SYNJ2: variants seen among roughly 807,000 people sequenced by gnomAD.
SYNJ2 encodes the protein polyphosphatidylinositol phosphatase SYNJ2.
SYNJ2 carries 116 observed loss-of-function variants against 141.3 expected under a neutral mutation model. That is an observed-to-expected ratio of 0.82 (90% CI 0.71 to 0.96). The LOEUF (loss-of-function observed/expected upper bound fraction) is 0.96, where lower values mean the gene tolerates loss of function less well. Among genes scored for constraint, SYNJ2 ranks in the 40% least tolerant of loss-of-function variants. SYNJ2 has a pLI of 0.00. For synonymous variants in SYNJ2, 745 were observed against 777.7 expected (o/e 0.96, Z 0.70); for missense variants, 1,873 against 1,934.8 (o/e 0.97, Z 0.60).
In SYNJ2 at chr6:158,069,567, C is replaced by T. The variant is rs1781782356; in HGVS notation, c.1834C>T (p.Gln612Ter). The T allele has an allele frequency of 6.2e-7, 1 of 1,614,008 alleles. No homozygotes were observed. The highest frequency in any genetic ancestry group is 8.5e-7 in the Non-Finnish European group (1 of 1,179,902). ...CAAGAAGATGTGGGGTGAACAGCTT[C>T]AGAAAGCCATCTCACGCTCTCATAG... is the stretch of plus-strand genomic sequence containing the variant. ...TNKKMWGEQL[Q>*]KAISRSHRYI... The change falls in exon 14 of 27, where the codon CAG becomes TAG. Residue 612 changes from glutamine to a stop codon, truncating the protein, a stop_gained. Coordinates refer to ENST00000355585, the MANE Select transcript of SYNJ2 (RefSeq NM_003898.4). LOFTEE classifies it high-confidence loss of function.
At chr6:158,049,791 C>T (rs1238140392) in intron 5 of SYNJ2, among the ~76,000 whole-genome samples, 3 of 148,308 alleles carry the variant, frequency 2.0e-5, no homozygotes, top group East Asian at 2.0e-4. Flanking sequence ...CAGGTATGCA[C>T]GTGGCTCTGC....
intron 1 of SYNJ2, among the ~76,000 whole-genome samples, chr6:157,987,654 G>A (rs895858901): frequency 7.9e-5 from 12 of 152,118 alleles, no homozygotes; most frequent in African/African-American, 2.4e-4. Context: ...CGCCCGCCTC[G>A]GCCTCCCAAA....
intron 4 of SYNJ2, 73 bp downstream of exon 4, chr6:158,033,753 T>G: frequency 6.7e-7 from 1 of 1,481,538 alleles, no homozygotes; most frequent in Non-Finnish European, 9.2e-7. Context: ...CGCTTTCCAC[T>G]TGGGGCAGAA....
intron 1 of SYNJ2, among the ~76,000 whole-genome samples, chr6:158,003,026 G>A (rs1477440747): frequency 6.6e-6 from 1 of 152,232 alleles, no homozygotes; most frequent in African/African-American, 2.4e-5. Flanking sequence ...GGAGGGGTGT[G>A]GAAAGTGCTG....
At chr6:157,993,396 G>A (rs1777523269) in intron 1 of SYNJ2, among the ~76,000 whole-genome samples, 1 of 152,116 alleles carries the variant, frequency 6.6e-6, no homozygotes, top group African/African-American at 2.4e-5. Context: ...TTTTTTTCCT[G>A]TAGAATTGTT....
At chr6:158,054,660 T>C (rs1246956190) in intron 5 of SYNJ2, among the ~76,000 whole-genome samples, 4 of 152,216 alleles carry the variant, frequency 2.6e-5, no homozygotes, top group African/African-American at 9.6e-5. Context: ...GAGCTTAGGA[T>C]CTGACATCTG....
Position 158,096,439 on chromosome 6 carries a change from A to G in SYNJ2, c.*75A>G, listed in dbSNP as rs1167467464. The G allele has an allele frequency of 4.7e-6, 7 of 1,488,136 alleles. No homozygotes were observed. In the Admixed American group the frequency reaches 1.6e-4, roughly 34 times the overall value. The allele number at this position is 1,488,136 out of a possible 1,614,324, so 92.2% of individuals were successfully genotyped here. On this transcript the variant is annotated 3_prime_UTR_variant, in exon 27 of 27. Transcript: ENST00000355585. Reference sequence around the variant, plus strand: ...TCTAGACATCCCTCCACCAGAAGAGACATCTATTTAAAGGCACACTGGCCA... The same window carrying G: ...TCTAGACATCCCTCCACCAGAAGAGGCATCTATTTAAAGGCACACTGGCCA...
At chr6:158,053,931 T>C (rs1472135247) in intron 5 of SYNJ2, among the ~76,000 whole-genome samples, 2 of 147,356 alleles carry the variant, frequency 1.4e-5, no homozygotes, top group Non-Finnish European at 3.0e-5. Context: ...CATTCTCTTA[T>C]CCACCTTTCT....
At chr6:158,063,607 C>T (rs1038458386) in intron 8 of SYNJ2, among the ~76,000 whole-genome samples, 184 bp from the exon 9 acceptor site, 6 of 132,742 alleles carry the variant, frequency 4.5e-5, no homozygotes, top group South Asian at 2.4e-4. Context: ...TGCAGTGAGC[C>T]GAGATCATGC....
At chr6:158,044,436 G>C (rs1780125836) in intron 5 of SYNJ2, among the ~76,000 whole-genome samples, 1 of 152,126 alleles carries the variant, frequency 6.6e-6, no homozygotes, top group Non-Finnish European at 1.5e-5. Context: ...TCTCGTTTAG[G>C]CTCCACGCTC....
chr6:158,029,392 T>TGCA (rs1302060330), intron 3 of SYNJ2: 6 of 29,462 alleles, frequency 2.0e-4, no homozygotes, highest in African/African-American at 1.1e-3. Context: ...CTACTAAAAA[T>TGCA]ACAAAAAAAA....
intron 7 of SYNJ2, 36 bp from the exon 8 acceptor site, chr6:158,061,956 T>A (rs1328835861): frequency 6.2e-7 from 1 of 1,603,822 alleles, no homozygotes; most frequent in Non-Finnish European, 8.5e-7. Flanking sequence ...CTCCCTTCCC[T>A]CTGCTCCCCT....
Position 158,096,287 on chromosome 6 carries a change from T to C in SYNJ2, c.4414T>C (p.Leu1472=). ...ELPPDHEHKT[L]GHWVTISDQE... is the part of the protein sequence containing the mutation. ...GCCACCAGATCATGAACACAAAACC[T>C]TAGGTCACTGGGTGACAATCAGTGA... is the stretch of plus-strand genomic sequence containing the variant. Residue 1472 remains leucine (L), a synonymous_variant, in exon 27 of 27, where the codon TTA becomes CTA. Coordinates refer to ENST00000355585, the MANE Select transcript of SYNJ2 (RefSeq NM_003898.4). 6.2e-7 allele frequency: 1 copy of C among 1,614,074 alleles called. No homozygotes were observed. The highest frequency in any genetic ancestry group is 8.5e-7 in the Non-Finnish European group (1 of 1,180,024).
At position 158,070,094 on chromosome 6, in the gene SYNJ2, A is replaced by G. The variant is rs958503076; in HGVS notation, c.1940+421A>G. 2.1e-5 allele frequency: 20 copies of G among 956,422 alleles called. No individual in the cohort carries two copies. Among genetic ancestry groups the G allele is most frequent in the Non-Finnish European group, 2.5e-5 (20 of 803,228 alleles). 59.2% of individuals were successfully genotyped at this position (956,422 alleles called of 1,614,324 possible). ...TGTGGGCCTCTACAACTGTGACCTC[A>G]TTGTCATTTCTCCAAGGTGCATGCT... On this transcript the variant is annotated intron_variant, in intron 14 of 26. Transcript: ENST00000355585. This position sits in a 1 kb window ranked among gnomAD's most constrained non-coding sequence, Gnocchi z 4.0.
chr6:158,060,518 C>G lies in SYNJ2; in HGVS notation c.954+1165C>G, dbSNP rs182013038. On this transcript the variant is annotated intron_variant, in intron 7 of 26. Transcript: ENST00000355585. ...TCGCCTCACTGGGGGTTAGGGCGAT[C>G]TCTGAGCCTTTCCCTCTGCTTAGAA... is the stretch of plus-strand genomic sequence containing the variant. Among the ~76,000 whole-genome samples, 707 of 152,344 alleles carry G rather than the reference C, an allele frequency of 4.6e-3. 7 individuals carry two copies. Among genetic ancestry groups the G allele is most frequent in the Non-Finnish European group, 7.7e-3 (524 of 68,028 alleles).
At chr6:158,059,897 C>T (rs2128360823) in intron 7 of SYNJ2, among the ~76,000 whole-genome samples, 1 of 152,270 alleles carries the variant, frequency 6.6e-6, no homozygotes. Context: ...GGAGAATTTG[C>T]TCAAAGTCAA....
chr6:158,054,738 A>T (rs111413168), intron 5 of SYNJ2, among the ~76,000 whole-genome samples: 304 of 152,334 alleles, frequency 2.0e-3, no homozygotes, highest in African/African-American at 7.0e-3. Context: ...TGTTGCAGTT[A>T]GGACTGGGCA....
At chr6:158,083,283 G>A (rs929428317) in intron 20 of SYNJ2, 146 bp from the exon 21 acceptor site, 13 of 912,468 alleles carry the variant, frequency 1.4e-5, no homozygotes, top group Admixed American at 2.8e-5. Context: ...CTGAGCCTGC[G>A]TGAGGTCTGG....
intron 1 of SYNJ2, among the ~76,000 whole-genome samples, chr6:158,013,447 C>T (rs1353449972): frequency 6.6e-6 from 1 of 152,216 alleles, no homozygotes; most frequent in Non-Finnish European, 1.5e-5. Flanking sequence ...CCCCTTGAAG[C>T]TCCAATGGCT....
Sources: allele counts gnomAD v4.1 joint callset (sites outside exome capture counted in the v4.1 genomes callset), GRCh38; gene constraint gnomAD v4.1.1; non-coding constraint Gnocchi (gnomAD v3.1); transcripts MANE v1.5; gene names NCBI Gene and HGNC (gene_info 2026-07-23, HGNC 2026-07-21).